The following COPZ1 variants were observed in gnomAD, a reference collection of about 807,000 sequenced individuals.
COPZ1 encodes the protein coat protein complex I subunit zeta 1, also known as coatomer subunit zeta-1.
Under a neutral mutation model 31.7 loss-of-function variants are expected in COPZ1, and 4 were observed. That is an observed-to-expected ratio of 0.13 (90% confidence interval 0.06 to 0.29). The LOEUF is 0.29. Ranked by LOEUF, COPZ1 falls within the 10% of genes least tolerant of loss-of-function variation. COPZ1 has a pLI of 1.00. For missense variants in COPZ1, 156 were observed against 211.5 expected, an observed-to-expected ratio of 0.74 and a Z score of 1.63; for synonymous variants, 74 against 79.0, an observed-to-expected ratio of 0.94 and a Z score of 0.33.
In COPZ1 at chr12:54,350,940, G is replaced by A. The variant is rs1035979874; in HGVS notation, c.*417G>A. ...CCTCATCCCAACAGCCCAGCAAGGG[G>A]AGAGAGAAAGAGAATTCTTTTCTAT... On this transcript the variant is annotated 3_prime_UTR_variant, in exon 9 of 9. Coordinates refer to ENST00000262061, the MANE Select transcript of COPZ1 (RefSeq NM_016057.3). 10 of 200,020 alleles carry A rather than the reference G, an allele frequency of 5.0e-5. No homozygotes were observed. The highest frequency in any genetic ancestry group is 1.0e-4 in the Admixed American group (2 of 19,442). The allele number at this position is 200,020 out of a possible 1,614,324, so 12.4% of individuals were successfully genotyped here. A position where few individuals can be genotyped will look rare whatever the true frequency, so the allele number is the denominator to read the frequency against.
At chr12:54,347,894 C>A in intron 6 of COPZ1, 50 bp downstream of exon 6, 1 of 1,606,840 alleles carries the variant, frequency 6.2e-7, no homozygotes, top group Non-Finnish European at 8.5e-7. Flanking sequence ...GGGATAACTG[C>A]CCCTGTCCTA....
intron 1 of COPZ1, among the ~76,000 whole-genome samples, chr12:54,331,305 C>T (rs915180976): frequency 2.6e-5 from 4 of 151,610 alleles, no homozygotes; most frequent in African/African-American, 9.7e-5. Flanking sequence ...CTCCGCCTCC[C>T]GAGTAGTTGG....
At chr12:54,330,602 T>C (rs1410221958) in intron 1 of COPZ1, among the ~76,000 whole-genome samples, 1 of 152,216 alleles carries the variant, frequency 6.6e-6, no homozygotes, top group African/African-American at 2.4e-5. Context: ...AACCAGACCC[T>C]TGAGAAGCCA....
At chr12:54,333,159 T>C (rs1214155067) in intron 1 of COPZ1, among the ~76,000 whole-genome samples, 3 of 152,198 alleles carry the variant, frequency 2.0e-5, no homozygotes, top group Admixed American at 1.3e-4. Context: ...TTCTCATGCC[T>C]CAGCCTCCTG....
chr12:54,332,583 A>G (rs1953776305), intron 1 of COPZ1, among the ~76,000 whole-genome samples: 1 of 151,802 alleles, frequency 6.6e-6, no homozygotes, highest in South Asian at 2.1e-4. Flanking sequence ...AAAAACACAA[A>G]ATTAGCCAGG....
chr12:54,326,640 GGTGTGTGT>G (rs71070816), intron 1 of COPZ1, among the ~76,000 whole-genome samples: 2,154 of 134,542 alleles, frequency 0.016, 54 homozygotes, highest in Admixed American at 0.075. Context: ...GATTTGGAGG[GGTGTGTGT>G]GTGTGTGTGT....
intron 1 of COPZ1, among the ~76,000 whole-genome samples, chr12:54,328,516 A>C (rs987998524): frequency 2.0e-5 from 3 of 151,904 alleles, no homozygotes; most frequent in Non-Finnish European, 2.9e-5. Context: ...CGGTGAGCCG[A>C]GATGCGCCAC....
Position 54,350,607 on chromosome 12 carries a change from C to T in COPZ1, c.*84C>T. The T allele has an allele frequency of 1.8e-6, 2 of 1,091,024 alleles. No homozygotes were observed. Among genetic ancestry groups the T allele is most frequent in the Non-Finnish European group, 2.8e-6 (2 of 703,366 alleles). 67.6% of individuals were successfully genotyped at this position (1,091,024 alleles called of 1,614,324 possible). A position where few individuals can be genotyped will look rare whatever the true frequency, so the allele number is the denominator to read the frequency against. ...TTTTCATCTAGTTCCCCAATCGATG[C>T]TCTCAGGGTCATCTCGGGGATCACA... On this transcript the variant is annotated 3_prime_UTR_variant, in exon 9 of 9. Coordinates refer to ENST00000262061, the MANE Select transcript of COPZ1 (RefSeq NM_016057.3).
At chr12:54,340,374 T>G (rs1953952935) in intron 1 of COPZ1, 173 bp from the exon 2 acceptor site, 1 of 1,034,874 alleles carries the variant, frequency 9.7e-7, no homozygotes, top group Admixed American at 3.6e-5. Flanking sequence ...TTCAGTTTAC[T>G]TACCCTGGGT....
intron 1 of COPZ1, among the ~76,000 whole-genome samples, chr12:54,326,149 A>ATTATTT (rs1953633757): frequency 7.4e-6 from 1 of 134,256 alleles, no homozygotes; most frequent in African/African-American, 2.8e-5. Context: ...TATTATTATT[A>ATTATTT]TTATTTTTGA....
intron 1 of COPZ1, 166 bp downstream of exon 1, chr12:54,325,347 C>T: frequency 2.1e-6 from 2 of 966,304 alleles, no homozygotes; most frequent in Non-Finnish European, 3.0e-6. Context: ...GAGCTAAAGC[C>T]TTGGTTTAGA....
chr12:54,339,257 T>TA (rs72213270), intron 1 of COPZ1, among the ~76,000 whole-genome samples: 7,431 of 120,188 alleles, frequency 0.062, 243 homozygotes, highest in Non-Finnish European at 0.071. Flanking sequence ...CCTTTTCTCT[T>TA]AAAAAAAAAA....
At chr12:54,327,260 A>G (rs1052701777) in intron 1 of COPZ1, among the ~76,000 whole-genome samples, 1 of 149,242 alleles carries the variant, frequency 6.7e-6, no homozygotes, top group African/African-American at 2.5e-5. Flanking sequence ...TGCTGGGATT[A>G]CAGGTGTGAG....
At chr12:54,338,297 C>G (rs1250309315) in intron 1 of COPZ1, among the ~76,000 whole-genome samples, 4 of 152,286 alleles carry the variant, frequency 2.6e-5, no homozygotes, top group Admixed American at 2.0e-4. Context: ...TGTTGTCTCC[C>G]TTTTGGAATT....
At chr12:54,345,956 C>CAAA (rs776353254) in intron 5 of COPZ1, among the ~76,000 whole-genome samples, 3 of 96,772 alleles carry the variant, frequency 3.1e-5, no homozygotes, top group Non-Finnish European at 4.5e-5. Context: ...GACTCTGTCT[C>CAAA]AAAAAAAAAA....
rs201709059 is a variant in COPZ1 at position 54,345,735 on chromosome 12, ATCATGAGG to A, written c.317+224_317+231del. Among the ~76,000 whole-genome samples, 351 of 152,154 alleles carry A rather than the reference ATCATGAGG, an allele frequency of 2.3e-3. 1 individual carries two copies. In the East Asian group the frequency reaches 0.038, roughly 16 times the overall value. ...TACTTTGGGAGGCCAAGGCGGGCGG[ATCATGAGG>A]TCAGGAGATTGAGACCATCCTGGTT... On this transcript the variant is annotated intron_variant, in intron 5 of 8. Transcript: ENST00000262061.
chr12:54,345,830 G>A (rs760415202), intron 5 of COPZ1, among the ~76,000 whole-genome samples: 138 of 151,990 alleles, frequency 9.1e-4, no homozygotes, highest in Non-Finnish European at 1.5e-3. Flanking sequence ...GGTAGCGGGC[G>A]CCTGTAGTCC....
intron 1 of COPZ1, among the ~76,000 whole-genome samples, chr12:54,339,277 A>G (rs941097131): frequency 1.3e-5 from 2 of 151,010 alleles, no homozygotes; most frequent in African/African-American, 4.9e-5. Flanking sequence ...AAAAAAAAAA[A>G]GAAAGTCAAG....
chr12:54,348,649 AT>A (rs1954101716), intron 7 of COPZ1, among the ~76,000 whole-genome samples: 1 of 152,124 alleles, frequency 6.6e-6, no homozygotes, highest in African/African-American at 2.4e-5. Flanking sequence ...AGGCAGGAGA[AT>A]TGCTTGAGCC....
Sources: allele counts gnomAD v4.1 joint callset (sites outside exome capture counted in the v4.1 genomes callset), GRCh38; gene constraint gnomAD v4.1.1; transcripts MANE v1.5; gene names NCBI Gene and HGNC (gene_info 2026-07-23, HGNC 2026-07-21).